The following SGSM1 variants were observed in gnomAD, a reference collection of about 807,000 sequenced individuals.
SGSM1 encodes the protein RUN and TBC1 domain containing 2.
In SGSM1, 73 loss-of-function variants were observed where a neutral mutation model predicts 133.8. That is an observed-to-expected ratio of 0.55 (90% CI 0.45 to 0.66). The LOEUF is 0.66. Among genes scored for constraint, SGSM1 ranks in the 30% least tolerant of loss-of-function variants. The pLI, the probability that SGSM1 is intolerant of heterozygous loss-of-function variation, is 0.00. For missense variants in SGSM1, 1,213 were observed against 1,448.1 expected, an observed-to-expected ratio of 0.84 and a Z score of 2.64; for synonymous variants, 563 against 573.0, an observed-to-expected ratio of 0.98 and a Z score of 0.25.
At chr22:24,821,396 G>A (rs1310835540) in intron 2 of SGSM1, among the ~76,000 whole-genome samples, 1 of 152,196 alleles carries the variant, frequency 6.6e-6, no homozygotes, top group Non-Finnish European at 1.5e-5. Flanking sequence ...AATGGCAGAG[G>A]GAATGGCAGG....
chr22:24,901,806 C>A, intron 19 of SGSM1, 27 bp from the exon 20 acceptor site: 1 of 1,608,980 alleles, frequency 6.2e-7, no homozygotes, highest in Non-Finnish European at 8.5e-7. Context: ...ATTTCTTCCC[C>A]CTACCCCCTG....
chr22:24,877,434 G>T (rs193158473), intron 13 of SGSM1, among the ~76,000 whole-genome samples: 92 of 152,152 alleles, frequency 6.0e-4, no homozygotes, highest in African/African-American at 2.1e-3. Flanking sequence ...TCTTCTGTTT[G>T]CCCATAGATC....
At chr22:24,850,493 A>G in intron 5 of SGSM1, 61 bp downstream of exon 5, 3 of 1,590,800 alleles carry the variant, frequency 1.9e-6, no homozygotes, top group Non-Finnish European at 2.6e-6. Context: ...CCGTTGTGGA[A>G]ATTGCACCCC....
At chr22:24,916,214 C>T (rs1198393663) in intron 22 of SGSM1, among the ~76,000 whole-genome samples, 1 of 152,104 alleles carries the variant, frequency 6.6e-6, no homozygotes, top group East Asian at 1.9e-4. Context: ...CACTCCCCAT[C>T]CCCTCCATCT....
intron 2 of SGSM1, among the ~76,000 whole-genome samples, chr22:24,825,582 T>G (rs924516098): frequency 6.6e-6 from 1 of 151,984 alleles, no homozygotes; most frequent in African/African-American, 2.4e-5. Context: ...GGCATGTGCC[T>G]CCACACCTGG....
intron 13 of SGSM1, 102 bp downstream of exon 13, chr22:24,876,817 C>A: frequency 6.8e-7 from 1 of 1,478,924 alleles, no homozygotes; most frequent in East Asian, 2.3e-5. Flanking sequence ...TGAGCATAAC[C>A]TGCGGACTCA....
intron 20 of SGSM1, among the ~76,000 whole-genome samples, chr22:24,902,350 G>T (rs1023427768): frequency 6.6e-6 from 1 of 151,976 alleles, no homozygotes; most frequent in African/African-American, 2.4e-5. Context: ...TTTAAGCCAA[G>T]ATCTACGACT....
chr22:24,892,971 G>A (rs991075420), intron 16 of SGSM1, among the ~76,000 whole-genome samples: 1 of 150,782 alleles, frequency 6.6e-6, no homozygotes. Flanking sequence ...TGAGGCAGGA[G>A]AATCATTTGA....
rs1264855286 is a variant in SGSM1, at chr22:24,927,082, G to A, written c.*2808G>A. The A allele has an allele frequency of 6.6e-6, 1 of 152,160 alleles. No homozygotes were observed. Among genetic ancestry groups the A allele is most frequent in the Non-Finnish European group, 1.5e-5 (1 of 68,032 alleles). The allele number at this position is 152,160 out of a possible 1,614,324, so 9.4% of individuals were successfully genotyped here. On this transcript the variant is annotated 3_prime_UTR_variant, in exon 25 of 25. Transcript: ENST00000400358. ...AAAAGTAGTGGTTTAAAACAGCCAT[G>A]TATTTACCTCATAATTCTGTGGGTC... is the stretch of plus-strand genomic sequence containing the variant.
chr22:24,922,829 CA>C, intron 24 of SGSM1, among the ~76,000 whole-genome samples: 1 of 152,290 alleles, frequency 6.6e-6, no homozygotes, highest in East Asian at 1.9e-4. Context: ...TTTGCAAAGA[CA>C]AAGTCATTGA....
intron 2 of SGSM1, among the ~76,000 whole-genome samples, chr22:24,828,843 G>C (rs7292632): frequency 0.15 from 23,168 of 152,210 alleles, 2,170 homozygotes; most frequent in Admixed American, 0.25. Flanking sequence ...ATCAGTGGTA[G>C]ACTGGATAAA....
intron 2 of SGSM1, among the ~76,000 whole-genome samples, chr22:24,833,125 G>A (rs369282042): frequency 6.6e-6 from 1 of 151,470 alleles, no homozygotes; most frequent in African/African-American, 2.4e-5. Context: ...AGTAGAGATG[G>A]GGTTTCACCA....
chr22:24,843,102 C>T (rs1387602673), intron 2 of SGSM1, among the ~76,000 whole-genome samples: 3 of 152,122 alleles, frequency 2.0e-5, no homozygotes, highest in African/African-American at 4.8e-5. Flanking sequence ...TTGAGTGGTC[C>T]GGTTTGCCTC....
intron 16 of SGSM1, among the ~76,000 whole-genome samples, chr22:24,887,036 C>T (rs1045030544): frequency 6.6e-6 from 1 of 151,682 alleles, no homozygotes; most frequent in African/African-American, 2.4e-5. Context: ...AGTAAAATAT[C>T]GGAACCAGAA....
At chr22:24,911,261 C>T (rs999941467) in intron 21 of SGSM1, among the ~76,000 whole-genome samples, 2 of 148,730 alleles carry the variant, frequency 1.3e-5, no homozygotes, top group African/African-American at 2.5e-5. Context: ...TAAATAAATA[C>T]ATAATAAATG....
Position 24,847,623 on chromosome 22 carries a change from T to C in SGSM1, c.140-11T>C. 2 of 1,612,418 alleles carry C rather than the reference T, an allele frequency of 1.2e-6. No individual in the cohort carries two copies. Among genetic ancestry groups the C allele is most frequent in the Non-Finnish European group, 1.7e-6 (2 of 1,179,222 alleles). The stretch of plus-strand genomic sequence containing the variant: ...GCAGGGCAGGGTCTGCTGACTGCCA[T>C]GTCCCTGCAGCGGCTGTGGAGGCCT... On this transcript the variant is annotated splice_polypyrimidine_tract_variant and intron_variant, in intron 3 of 24. Transcript: ENST00000400358.
At chr22:24,905,214 C>G in intron 21 of SGSM1, 27 bp downstream of exon 21, 2 of 1,604,146 alleles carry the variant, frequency 1.2e-6, no homozygotes, top group Non-Finnish European at 1.7e-6. Flanking sequence ...TGCCCTAGGG[C>G]TGAGGGTGCA....
At position 24,898,114 on chromosome 22, in the gene SGSM1, C is replaced by T. The variant is rs1409723043; in HGVS notation, c.2165C>T (p.Ser722Leu). Residue 722 changes from serine to leucine, a missense_variant, in exon 19 of 25, where the codon TCG becomes TTG. By Grantham distance (145) the Ser-to-Leu change is moderately radical (BLOSUM62 -2). Coordinates refer to ENST00000400358, the MANE Select transcript of SGSM1 (RefSeq NM_001098497.3). ...SGHPSSHNFS[S>L]GLSEHSEPSL... Reference sequence around the variant, plus strand: ...CATCCTTCCTCCCATAACTTCTCCTCGGGCCTCTCAGAGCACTCAGAGCCC... The same window carrying T: ...CATCCTTCCTCCCATAACTTCTCCTTGGGCCTCTCAGAGCACTCAGAGCCC... 11 of 1,613,860 alleles carry T rather than the reference C, an allele frequency of 6.8e-6. No homozygotes were observed. Among genetic ancestry groups the T allele is most frequent in the Middle Eastern group, 1.6e-4 (1 of 6,084 alleles).
intron 2 of SGSM1, among the ~76,000 whole-genome samples, chr22:24,824,159 C>T (rs1303776819): frequency 3.3e-5 from 5 of 152,042 alleles, no homozygotes; most frequent in East Asian, 3.9e-4. Flanking sequence ...GAGAGGGGCA[C>T]GTGACTTGGC....
Sources: allele counts gnomAD v4.1 joint callset (sites outside exome capture counted in the v4.1 genomes callset), GRCh38; gene constraint gnomAD v4.1.1; transcripts MANE v1.5; gene names NCBI Gene and HGNC (gene_info 2026-07-23, HGNC 2026-07-21).